Variants in PALS2 observed in about 807,000 individuals in gnomAD.
PALS2 encodes protein PALS2.
In PALS2, 27 loss-of-function variants were observed where a neutral mutation model predicts 61.6. That is an observed-to-expected ratio of 0.44 (90% CI 0.32 to 0.60). The LOEUF (loss-of-function observed/expected upper bound fraction) is 0.60, where lower values mean the gene tolerates loss of function less well. Among genes scored for constraint, PALS2 ranks in the 20% least tolerant of loss-of-function variants. The pLI is 0.05. For synonymous variants in PALS2, 236 were observed against 218.6 expected, an observed-to-expected ratio of 1.08 and a Z score of -0.70; for missense variants, 554 against 639.4, an observed-to-expected ratio of 0.87 and a Z score of 1.44.
Position 24,618,540 on chromosome 7 carries a change from A to T in PALS2, c.-2-5126A>T, listed in dbSNP as rs550684473. On this transcript the variant is annotated intron_variant, in intron 1 of 11. Coordinates refer to ENST00000222644, the MANE Select transcript of PALS2 (RefSeq NM_001303037.2). The surrounding 1 kb of genome is among the most constrained non-coding windows in gnomAD (Gnocchi z 5.1). The stretch of plus-strand genomic sequence containing the variant: ...GATCTTGTGCTCCCAGTCTGGGGGA[A>T]TACAGCTGTGTGAATTCACAGCAGC... Among the ~76,000 whole-genome samples the T allele has an allele frequency of 6.6e-6, 1 of 152,232 alleles. No individual in the cohort carries two copies. Among genetic ancestry groups the T allele is most frequent in the Non-Finnish European group, 1.5e-5 (1 of 68,036 alleles).
At position 24,573,594 on chromosome 7, in the gene PALS2, G is replaced by A. The variant is rs1178220257; in HGVS notation, c.-3+1G>A. The A allele has an allele frequency of 5.4e-6, 2 of 371,778 alleles. No homozygotes were observed. The highest frequency in any genetic ancestry group is 9.6e-6 in the Non-Finnish European group (2 of 209,420). The allele number at this position is 371,778 out of a possible 1,614,324, so 23.0% of individuals were successfully genotyped here. A position where few individuals can be genotyped will look rare whatever the true frequency, so the allele number is the denominator to read the frequency against. On this transcript the variant is annotated splice_donor_variant, in intron 1 of 11. Transcript: ENST00000222644. LOFTEE classifies it low-confidence loss of function (5UTR_SPLICE). The surrounding 1 kb of genome is among the most constrained non-coding windows in gnomAD (Gnocchi z 5.3). Reference sequence around the variant, plus strand: ...GCGGAGGCGGCTGAGGTGCGAGCCGGTGAGTTAACTGGACCCCCACGCCGC... The same window carrying A: ...GCGGAGGCGGCTGAGGTGCGAGCCGATGAGTTAACTGGACCCCCACGCCGC...
chr7:24,638,350 AGACG>A (rs1446405569), intron 2 of PALS2, among the ~76,000 whole-genome samples: 2 of 274 alleles, frequency 7.3e-3, no homozygotes, highest in Non-Finnish European at 0.012. Flanking sequence ...TTTTTTTTTG[AGACG>A]GAGTCTCGCT....
intron 3 of PALS2, among the ~76,000 whole-genome samples, chr7:24,644,652 G>C (rs768386817): frequency 5.3e-5 from 8 of 151,914 alleles, no homozygotes; most frequent in African/African-American, 2.4e-5. Context: ...ATTCCTCTGG[G>C]TATATACCCA....
intron 9 of PALS2, among the ~76,000 whole-genome samples, chr7:24,676,338 T>C (rs993107480): frequency 1.2e-4 from 18 of 151,346 alleles, no homozygotes; most frequent in African/African-American, 4.2e-4. Context: ...CTGTTCACTC[T>C]GATGGTAGTT....
chr7:24,642,842 T>C (rs1298240135), intron 3 of PALS2, among the ~76,000 whole-genome samples: 2 of 152,264 alleles, frequency 1.3e-5, no homozygotes, highest in East Asian at 1.9e-4. Flanking sequence ...TATAAAGGCA[T>C]ACTGAGTTAT....
chr7:24,681,450 C>A (rs1787923238), intron 11 of PALS2, among the ~76,000 whole-genome samples: 1 of 151,684 alleles, frequency 6.6e-6, no homozygotes, highest in Non-Finnish European at 1.5e-5. Flanking sequence ...TTAAAACATA[C>A]CATTAATACA....
intron 2 of PALS2, among the ~76,000 whole-genome samples, chr7:24,633,767 T>TAGGTAACTGTG (rs1785114107): frequency 6.6e-6 from 1 of 152,178 alleles, no homozygotes; most frequent in Admixed American, 6.5e-5. Context: ...TGTATATAAG[T>TAGGTAACTGTG]AGGTAACTGT....
chr7:24,627,853 A>G (rs1416472325), intron 2 of PALS2, among the ~76,000 whole-genome samples: 1 of 152,196 alleles, frequency 6.6e-6, no homozygotes, highest in East Asian at 1.9e-4. Flanking sequence ...GACCACTAAC[A>G]AGTTCTGAAA....
chr7:24,608,041 G>A (rs1018924727), intron 1 of PALS2, among the ~76,000 whole-genome samples: 6 of 151,998 alleles, frequency 3.9e-5, no homozygotes, highest in African/African-American at 9.7e-5. Flanking sequence ...ACATACATGT[G>A]TGTTTATATA....
intron 1 of PALS2, among the ~76,000 whole-genome samples, chr7:24,578,276 A>G (rs768868719): frequency 7.2e-5 from 11 of 152,148 alleles, no homozygotes; most frequent in Non-Finnish European, 1.2e-4. Flanking sequence ...GATTAACACT[A>G]TATTTCAAGG....
At chr7:24,600,654 T>C (rs2128047259) in intron 1 of PALS2, among the ~76,000 whole-genome samples, 1 of 152,290 alleles carries the variant, frequency 6.6e-6, no homozygotes, top group Non-Finnish European at 1.5e-5. Flanking sequence ...TTTATAAATA[T>C]AAAGAATAGC....
chr7:24,617,961 A>G (rs114311186), intron 1 of PALS2, among the ~76,000 whole-genome samples: 9,600 of 152,186 alleles, frequency 0.063, 356 homozygotes, highest in African/African-American at 0.093. Context: ...AGGAGAACCT[A>G]CTAGTCTGTT....
chr7:24,640,730 CGA>C (rs1562633783), intron 2 of PALS2, among the ~76,000 whole-genome samples: 13 of 145,006 alleles, frequency 9.0e-5, no homozygotes, highest in African/African-American at 2.6e-4. Flanking sequence ...TACTTTCGGC[CGA>C]GGGCGGTGGC....
At chr7:24,676,051 C>T (rs1787567219) in intron 9 of PALS2, among the ~76,000 whole-genome samples, 2 of 146,988 alleles carry the variant, frequency 1.4e-5, no homozygotes, top group Admixed American at 1.3e-4. Flanking sequence ...TCTCCAGCAC[C>T]TGTTGTTTCC....
At chr7:24,610,820 A>G (rs986067392) in intron 1 of PALS2, among the ~76,000 whole-genome samples, 3 of 152,190 alleles carry the variant, frequency 2.0e-5, no homozygotes, top group Non-Finnish European at 4.4e-5. Flanking sequence ...CCTTTAAGAA[A>G]ATACTTAAAA....
intron 7 of PALS2, among the ~76,000 whole-genome samples, 165 bp downstream of exon 7, chr7:24,665,852 C>A (rs1379825719): frequency 6.6e-6 from 1 of 152,146 alleles, no homozygotes; most frequent in Non-Finnish European, 1.5e-5. Flanking sequence ...CGTTCTGCCA[C>A]CTGCTGGTAG....
chr7:24,672,194 A>ATGTGTTTTGT (rs762749623), intron 9 of PALS2, among the ~76,000 whole-genome samples: 1 of 133,568 alleles, frequency 7.5e-6, no homozygotes, highest in Non-Finnish European at 1.6e-5. Context: ...GACTACTGCC[A>ATGTGTTTTGT]TCTGTTTTGT....
At chr7:24,648,201 A>G (rs1338526802) in intron 3 of PALS2, among the ~76,000 whole-genome samples, 1 of 148,738 alleles carries the variant, frequency 6.7e-6, no homozygotes, top group Non-Finnish European at 1.5e-5. Flanking sequence ...ATTTTGATTT[A>G]TTGTTTTTGA....
chr7:24,598,822 T>A (rs1295174120), intron 1 of PALS2, among the ~76,000 whole-genome samples: 3 of 152,208 alleles, frequency 2.0e-5, no homozygotes, highest in African/African-American at 7.2e-5. Flanking sequence ...ATGTGAGCAT[T>A]CATGCCCAGA....
Sources: gnomAD v4.1 joint callset for allele counts (sites outside exome capture counted in the v4.1 genomes callset) on GRCh38, gnomAD v4.1.1 for gene constraint, Gnocchi (gnomAD v3.1) non-coding constraint, MANE v1.5 for transcripts, NCBI Gene and HGNC (gene_info 2026-07-23, HGNC 2026-07-21) for gene names.